DLGAP2: variants seen among roughly 807,000 people sequenced by gnomAD.
DLGAP2 encodes DLG associated protein 2.
In DLGAP2, 26 loss-of-function variants were observed where a neutral mutation model predicts 100.3. The observed-to-expected ratio is 0.26, with a 90% CI of 0.19 to 0.36. The LOEUF is 0.36. Ranked by LOEUF, DLGAP2 falls within the 10% of genes least tolerant of loss-of-function variation. The pLI, the probability that DLGAP2 is intolerant of heterozygous loss-of-function variation, is 1.00. For missense variants in DLGAP2, 1,858 were observed against 1,453.2 expected (o/e 1.28, Z -4.53); for synonymous variants, 886 against 630.1 (o/e 1.41, Z -6.08).
chr8:1,566,477 GA>G (rs1203671514), intron 6 of DLGAP2, among the ~76,000 whole-genome samples: 1 of 152,176 alleles, frequency 6.6e-6, no homozygotes, highest in Non-Finnish European at 1.5e-5. Flanking sequence ...ATGAAAATAT[GA>G]CTGTTACTGT....
rs140912678 is a variant in DLGAP2, at chr8:1,352,404, C to G, written c.106+93521C>G. ...CTCATGGGGCCATCTCTTCCTCTCC[C>G]CAGCGACTCTCCCTGTACCTGCCCT... On this transcript the variant is annotated intron_variant, in intron 3 of 14. Transcript: ENST00000637795. Among the ~76,000 whole-genome samples the G allele has an allele frequency of 5.2e-3, 793 of 152,254 alleles. 5 individuals are homozygous for G. Among genetic ancestry groups the G allele is most frequent in the Middle Eastern group, 0.017 (5 of 294 alleles).
intron 1 of DLGAP2, among the ~76,000 whole-genome samples, chr8:767,348 G>GT (rs35944301): frequency 0.44 from 51,502 of 117,914 alleles, 13,395 homozygotes; most frequent in Non-Finnish European, 0.56. Context: ...GCTGTTGACT[G>GT]TTTTTTTTTT....
intron 6 of DLGAP2, among the ~76,000 whole-genome samples, chr8:1,583,520 G>T (rs927760333): frequency 6.6e-6 from 1 of 152,230 alleles, no homozygotes; most frequent in Non-Finnish European, 1.5e-5. Flanking sequence ...ACCTTGCAGA[G>T]TCAGGCTGAC....
At chr8:1,052,813 G>T (rs1266603813) in intron 2 of DLGAP2, among the ~76,000 whole-genome samples, 3 of 152,090 alleles carry the variant, frequency 2.0e-5, no homozygotes, top group African/African-American at 7.2e-5. Context: ...CTGAAAAATG[G>T]CCTATAGAAA....
intron 8 of DLGAP2, among the ~76,000 whole-genome samples, chr8:1,654,388 ATGGTGGCTCACGCC>A (rs947853876): frequency 1.3e-5 from 2 of 152,190 alleles, no homozygotes; most frequent in Non-Finnish European, 2.9e-5. Context: ...ATGGCCGGGC[ATGGTGGCTCACGCC>A]TGTAATCTCA....
At chr8:809,608 C>A (rs1030388603) in intron 1 of DLGAP2, among the ~76,000 whole-genome samples, 1 of 152,154 alleles carries the variant, frequency 6.6e-6, no homozygotes, top group African/African-American at 2.4e-5. Context: ...GAAATGGCTT[C>A]TTTTTGCACA....
At chr8:1,232,748 C>T (rs1372640963) in intron 2 of DLGAP2, among the ~76,000 whole-genome samples, 1 of 152,224 alleles carries the variant, frequency 6.6e-6, no homozygotes, top group Non-Finnish European at 1.5e-5. Context: ...CTCACTCATT[C>T]ACACATTCAT....
chr8:1,110,795 A>G (rs1036177207), intron 2 of DLGAP2, among the ~76,000 whole-genome samples: 2 of 146,728 alleles, frequency 1.4e-5, no homozygotes, highest in Non-Finnish European at 3.0e-5. Flanking sequence ...TCTCTCTCAC[A>G]TACAGCTTTC....
chr8:937,414 T>C (rs1799096720), intron 2 of DLGAP2, among the ~76,000 whole-genome samples: 1 of 152,228 alleles, frequency 6.6e-6, no homozygotes, highest in South Asian at 2.1e-4. Context: ...TTAAGAAGCC[T>C]ATTTTTCCCC....
chr8:1,220,224 A>C (rs188783330), intron 2 of DLGAP2, among the ~76,000 whole-genome samples: 11 of 152,254 alleles, frequency 7.2e-5, no homozygotes, highest in Admixed American at 6.5e-4. Flanking sequence ...AAATCTTTCT[A>C]ACTTCTTGAT....
chr8:1,007,836 C>G (rs1414594037), intron 2 of DLGAP2, among the ~76,000 whole-genome samples: 3 of 152,132 alleles, frequency 2.0e-5, no homozygotes, highest in Non-Finnish European at 4.4e-5. Context: ...TGCCCAGTAA[C>G]ATAAAAATTT....
chr8:1,596,365 T>G (rs777873058), intron 6 of DLGAP2, among the ~76,000 whole-genome samples: 18 of 152,238 alleles, frequency 1.2e-4, no homozygotes, highest in Admixed American at 3.9e-4. Context: ...TAGAATGATT[T>G]GTAATCCTTT....
intron 6 of DLGAP2, among the ~76,000 whole-genome samples, chr8:1,575,096 C>G (rs2130617980): frequency 6.6e-6 from 1 of 152,294 alleles, no homozygotes. Context: ...TACAAAAAAT[C>G]ATCACAGACG....
intron 3 of DLGAP2, among the ~76,000 whole-genome samples, chr8:1,315,456 G>T (rs1585251191): frequency 7.1e-6 from 1 of 140,382 alleles, no homozygotes; most frequent in African/African-American, 2.8e-5. Context: ...CTCTCCAACA[G>T]TGGTCTACAC....
intron 3 of DLGAP2, among the ~76,000 whole-genome samples, chr8:1,274,411 G>C (rs1028370462): frequency 6.6e-6 from 1 of 150,598 alleles, no homozygotes; most frequent in Admixed American, 6.6e-5. Flanking sequence ...ACCATAAAAT[G>C]AGTGACTTTG....
chr8:1,315,340 C>T (rs1318441622), intron 3 of DLGAP2, among the ~76,000 whole-genome samples: 1 of 146,690 alleles, frequency 6.8e-6, no homozygotes, highest in East Asian at 2.1e-4. Context: ...AGAAACTCGG[C>T]AGCGTTTAAA....
intron 2 of DLGAP2, among the ~76,000 whole-genome samples, chr8:1,128,941 G>A (rs1167334561): frequency 6.6e-6 from 1 of 152,176 alleles, no homozygotes; most frequent in Non-Finnish European, 1.5e-5. Context: ...GGTGGCCGGT[G>A]TGTGTGTCTC....
chr8:1,343,872 G>A (rs1801478192), intron 3 of DLGAP2, among the ~76,000 whole-genome samples: 1 of 152,174 alleles, frequency 6.6e-6, no homozygotes, highest in Non-Finnish European at 1.5e-5. Flanking sequence ...AGTAGGGGGA[G>A]CTCAGCCCTC....
intron 1 of DLGAP2, among the ~76,000 whole-genome samples, chr8:816,294 C>A (rs926254244): frequency 2.1e-5 from 3 of 143,480 alleles, no homozygotes; most frequent in East Asian, 2.1e-4. Flanking sequence ...TTTTTCATTG[C>A]ATTGTTGTTA....
Sources: allele counts gnomAD v4.1 joint callset (sites outside exome capture counted in the v4.1 genomes callset), GRCh38; gene constraint gnomAD v4.1.1; transcripts MANE v1.5; gene names NCBI Gene and HGNC (gene_info 2026-07-23, HGNC 2026-07-21).